Variants in MBNL1 observed in about 807,000 individuals in gnomAD.
The protein encoded by MBNL1 is muscleblind-like protein 1.
A neutral mutation model predicts 42.2 loss-of-function variants in MBNL1; 8 were observed. The observed-to-expected ratio is 0.19, with a 90% CI of 0.11 to 0.34. The LOEUF (loss-of-function observed/expected upper bound fraction) is 0.34. Ranked by LOEUF, MBNL1 falls within the 10% of genes least tolerant of loss-of-function variation. MBNL1 has a pLI of 1.00. For missense variants in MBNL1, 309 were observed against 495.3 expected (o/e 0.62, Z 3.57); for synonymous variants, 169 against 173.9 (o/e 0.97, Z 0.22).
At chr3:152,250,065 T>C (rs926191993) in intron 2 of MBNL1, among the ~76,000 whole-genome samples, 2 of 151,974 alleles carry the variant, frequency 1.3e-5, no homozygotes, top group African/African-American at 4.8e-5. Flanking sequence ...TGCCTCCAGC[T>C]TTGTTCTTTT....
intron 2 of MBNL1, among the ~76,000 whole-genome samples, chr3:152,320,507 T>C (rs977490069): frequency 3.3e-5 from 5 of 152,148 alleles, no homozygotes; most frequent in African/African-American, 4.8e-5. Context: ...AGGGGAATGA[T>C]AAATTGGCCT....
intron 1 of MBNL1, among the ~76,000 whole-genome samples, chr3:152,278,134 A>G (rs2046353197): frequency 6.6e-6 from 1 of 152,144 alleles, no homozygotes; most frequent in East Asian, 1.9e-4. Flanking sequence ...AAGATTAAGT[A>G]GTATTGGATA....
intron 2 of MBNL1, among the ~76,000 whole-genome samples, chr3:152,310,465 A>AT (rs2065712818): frequency 6.6e-6 from 1 of 152,242 alleles, no homozygotes; most frequent in African/African-American, 2.4e-5. Flanking sequence ...AAATAGCAAG[A>AT]TTATGAAGCA....
At chr3:152,260,501 T>C (rs1370332954) in intron 2 of MBNL1, among the ~76,000 whole-genome samples, 1 of 152,234 alleles carries the variant, frequency 6.6e-6, no homozygotes, top group Admixed American at 6.5e-5. Context: ...ATATATTGAA[T>C]GTACAGAATA....
chr3:152,249,504 G>A lies in MBNL1; in HGVS notation n.333+5064G>A, dbSNP rs1576772237. Among the ~76,000 whole-genome samples the A allele has an allele frequency of 1.9e-5, 2 of 106,098 alleles. 1 individual carries two copies. The highest frequency in any genetic ancestry group is 5.6e-4 in the East Asian group (2 of 3,586). 69.6% of individuals were successfully genotyped at this position (106,098 alleles called of 152,430 possible). On this transcript the variant is annotated intron_variant and non_coding_transcript_variant, in intron 2 of 2. Transcript: ENST00000477171. ...TGTAAATTTGTTTGAGTTCATTGTAGATTCTGGATATTAGCCCTTTGTCAG... is the reference window on the plus strand; with the variant it reads ...TGTAAATTTGTTTGAGTTCATTGTAAATTCTGGATATTAGCCCTTTGTCAG...
intron 1 of MBNL1, among the ~76,000 whole-genome samples, chr3:152,296,672 TTGTG>T (rs10564035): frequency 0.078 from 11,592 of 148,372 alleles, 499 homozygotes; most frequent in Middle Eastern, 0.16. Context: ...GAGGCAATGA[TTGTG>T]TGTGTGTGTG....
intron 2 of MBNL1, among the ~76,000 whole-genome samples, chr3:152,399,784 T>G (rs748676224): frequency 1.8e-4 from 28 of 152,210 alleles, no homozygotes; most frequent in Non-Finnish European, 3.8e-4. Flanking sequence ...ATTACAGGCA[T>G]GAGCCACTGC....
At chr3:152,338,741 A>AAT (rs2092122057) in intron 2 of MBNL1, 10 of 958,200 alleles carry the variant, frequency 1.0e-5, no homozygotes, top group Non-Finnish European at 1.2e-5. Context: ...CTATGGATTT[A>AAT]ATATAAGTTA....
chr3:152,445,533 T>C lies in MBNL1; in HGVS notation c.801T>C (p.Ala267=), dbSNP rs1426807389. 6.2e-7 allele frequency: 1 copy of C among 1,612,390 alleles called. No individual in the cohort carries two copies. The highest frequency in any genetic ancestry group is 8.5e-7 in the Non-Finnish European group (1 of 1,179,236). Residue 267 remains alanine, a synonymous_variant, in exon 5 of 10, where the codon GCT becomes GCC. Transcript: ENST00000324210. The part of the protein sequence containing the change: ...AAAAQAAATA[A]AMGIPQAVLP... ...CTGCACAGGCTGCAGCCACCGCAGCTGCCATGGTGAGTAGAGATATCAGCT... is the reference window on the plus strand; with the variant it reads ...CTGCACAGGCTGCAGCCACCGCAGCCGCCATGGTGAGTAGAGATATCAGCT...
intron 3 of MBNL1, among the ~76,000 whole-genome samples, chr3:152,426,167 G>C (rs187440674): frequency 3.3e-5 from 5 of 151,732 alleles, no homozygotes; most frequent in African/African-American, 7.3e-5. Context: ...GTGGGCACGG[G>C]GGGGGAACAT....
intron 9 of MBNL1, among the ~76,000 whole-genome samples, chr3:152,460,393 A>G (rs1743176859): frequency 6.8e-6 from 1 of 148,146 alleles, no homozygotes; most frequent in South Asian, 2.1e-4. Flanking sequence ...TAATTCTGAA[A>G]ATGTTGCCAT....
chr3:152,284,243 A>G (rs73026361), intron 1 of MBNL1, among the ~76,000 whole-genome samples: 2,407 of 152,258 alleles, frequency 0.016, 57 homozygotes, highest in African/African-American at 0.055. Context: ...ACAAAGAAAG[A>G]AAACCTAAAA....
At chr3:152,331,418 A>G (rs2084448882) in intron 2 of MBNL1, among the ~76,000 whole-genome samples, 1 of 152,232 alleles carries the variant, frequency 6.6e-6, no homozygotes, top group African/African-American at 2.4e-5. Flanking sequence ...TTTGTAATGT[A>G]CCATTAGAGC....
At chr3:152,337,624 T>C (rs2091224949) in intron 2 of MBNL1, among the ~76,000 whole-genome samples, 1 of 141,216 alleles carries the variant, frequency 7.1e-6, no homozygotes, top group East Asian at 2.0e-4. Context: ...AGATTCCATC[T>C]CAAAAAAAAA....
chr3:152,424,247 G>T (rs559215489), intron 3 of MBNL1, among the ~76,000 whole-genome samples: 1 of 152,270 alleles, frequency 6.6e-6, no homozygotes, highest in African/African-American at 2.4e-5. Flanking sequence ...AAATCAATGT[G>T]CAAAAATCAC....
chr3:152,304,617 T>G (rs571822067), intron 2 of MBNL1, among the ~76,000 whole-genome samples: 1 of 152,336 alleles, frequency 6.6e-6, no homozygotes, highest in Non-Finnish European at 1.5e-5. Context: ...AGTGACAGAT[T>G]GACATATCAC....
intron 2 of MBNL1, among the ~76,000 whole-genome samples, chr3:152,353,032 TTAAAA>T (rs1267181388): frequency 6.6e-6 from 1 of 152,226 alleles, no homozygotes; most frequent in Admixed American, 6.5e-5. Flanking sequence ...GTAAACTCTC[TTAAAA>T]TTAAATCCAG....
intron 1 of MBNL1, among the ~76,000 whole-genome samples, chr3:152,295,584 C>T (rs1037624251): frequency 6.6e-6 from 1 of 152,106 alleles, no homozygotes; most frequent in African/African-American, 2.4e-5. Context: ...GACACTGGAC[C>T]TACACCCTGT....
chr3:152,334,592 T>C (rs1026448528), intron 2 of MBNL1, among the ~76,000 whole-genome samples: 1 of 152,174 alleles, frequency 6.6e-6, no homozygotes, highest in African/African-American at 2.4e-5. Flanking sequence ...TATGAAAACA[T>C]TAGAATTTTC....
Sources: allele counts gnomAD v4.1 joint callset (sites outside exome capture counted in the v4.1 genomes callset), GRCh38; gene constraint gnomAD v4.1.1; transcripts MANE v1.5; gene names NCBI Gene and HGNC (gene_info 2026-07-23, HGNC 2026-07-21).